CDCA5: variants seen among roughly 807,000 people sequenced by gnomAD.
CDCA5 encodes the protein cell division cycle associated 5, also known as sororin.
A neutral mutation model predicts 25.7 loss-of-function variants in CDCA5; 14 were observed. The observed-to-expected ratio is 0.54, with a 90% CI of 0.36 to 0.85. The LOEUF (loss-of-function observed/expected upper bound fraction) is 0.85, where lower values mean the gene tolerates loss of function less well. CDCA5 is among the 40% of genes least tolerant of loss of function. CDCA5 has a pLI of 0.01. For missense variants in CDCA5, 307 were observed against 324.5 expected, an observed-to-expected ratio of 0.95 and a Z score of 0.41; for synonymous variants, 127 against 128.7, an observed-to-expected ratio of 0.99 and a Z score of 0.09.
chr11:65,084,027 C>T lies in CDCA5; in HGVS notation c.-49G>A. On this transcript the variant is annotated 5_prime_UTR_variant, in exon 1 of 6. Coordinates refer to ENST00000275517, the MANE Select transcript of CDCA5 (RefSeq NM_080668.4). Reference sequence around the variant, plus strand: ...CTCCAGCGCCGCCGCCCCGGGCGCGCGCCAACCGGGAAGGCCACTCGCTGC... The same window carrying T: ...CTCCAGCGCCGCCGCCCCGGGCGCGTGCCAACCGGGAAGGCCACTCGCTGC... 3.2e-6 allele frequency: 5 copies of T among 1,581,542 alleles called. No homozygotes were observed. Among genetic ancestry groups the T allele is most frequent in the Non-Finnish European group, 4.3e-6 (5 of 1,165,954 alleles).
At chr11:65,083,176 T>A (rs1467183331) in intron 4 of CDCA5, 188 bp downstream of exon 4, 7 of 634,092 alleles carry the variant, frequency 1.1e-5, no homozygotes, top group Non-Finnish European at 1.9e-5. Flanking sequence ...ACACAAGGCA[T>A]AAAAAGTTAA....
At chr11:65,076,143 C>T (rs115374011), downstream of CDCA5, among the ~76,000 whole-genome samples, 1 of 152,152 alleles carries the variant, frequency 6.6e-6, no homozygotes, top group Admixed American at 6.5e-5. Context: ...GAAACAGGGT[C>T]TTTACTCTGT....
chr11:65,069,810 T>G (rs940077194), intron 1 of CDCA5, among the ~76,000 whole-genome samples: 1 of 152,254 alleles, frequency 6.6e-6, no homozygotes, highest in Admixed American at 6.5e-5. Context: ...AATTCACTCA[T>G]GCGCTTACTG....
chr11:65,068,088 C>G (rs926936833), exon 3 of CDCA5: 5 of 1,289,200 alleles, frequency 3.9e-6, no homozygotes, highest in Non-Finnish European at 5.1e-6. Flanking sequence ...AGGAACGTGA[C>G]GGTGGGTTCC....
chr11:65,066,212 G>T, downstream of CDCA5: 1 of 429,682 alleles, frequency 2.3e-6, no homozygotes, highest in Non-Finnish European at 3.5e-6. Flanking sequence ...GTCAGAGGGT[G>T]GCTGAGGGGC....
At chr11:65,069,433 T>C (rs952039569) in intron 1 of CDCA5, among the ~76,000 whole-genome samples, 2 of 151,982 alleles carry the variant, frequency 1.3e-5, no homozygotes, top group African/African-American at 4.8e-5. Context: ...CTGTGTTATA[T>C]TGTACCTTTC....
At chr11:65,066,134 G>A (rs954917817), downstream of CDCA5, among the ~76,000 whole-genome samples, 1 of 152,018 alleles carries the variant, frequency 6.6e-6, no homozygotes, top group Non-Finnish European at 1.5e-5. Context: ...GTGAGGGGTC[G>A]GGGGAGGGCA....
At chr11:65,064,417 CAAAA>C (rs11318233), downstream of CDCA5, among the ~76,000 whole-genome samples, 13 of 86,314 alleles carry the variant, frequency 1.5e-4, no homozygotes, top group African/African-American at 1.4e-4. Context: ...GACTCTGTCG[CAAAA>C]AAAAAAAAAA....
At position 65,084,014 on chromosome 11, in the gene CDCA5, C is replaced by G. The variant is rs754788323; in HGVS notation, c.-36G>C. ...CCGTCTCGAGCTCCTCCAGCGCCGC[C>G]GCCCCGGGCGCGCGCCAACCGGGAA... On this transcript the variant is annotated 5_prime_UTR_variant, in exon 1 of 6. Coordinates refer to ENST00000275517, the MANE Select transcript of CDCA5 (RefSeq NM_080668.4). The G allele has an allele frequency of 6.3e-7, 1 of 1,591,274 alleles. No individual in the cohort carries two copies. The highest frequency in any genetic ancestry group is 1.8e-5 in the Admixed American group (1 of 55,130).
downstream of CDCA5, among the ~76,000 whole-genome samples, chr11:65,074,142 G>A (rs573596635): frequency 3.3e-5 from 5 of 152,212 alleles, no homozygotes; most frequent in South Asian, 4.1e-4. Flanking sequence ...GCACAATATC[G>A]GCTCACTGCA....
At chr11:65,075,610 G>A (rs1325430749), downstream of CDCA5, among the ~76,000 whole-genome samples, 1 of 152,116 alleles carries the variant, frequency 6.6e-6, no homozygotes, top group African/African-American at 2.4e-5. Flanking sequence ...GAAGGAGCTG[G>A]TCCTGGGTTC....
At chr11:65,067,084 G>A (rs1211372461) in intron 4 of CDCA5, among the ~76,000 whole-genome samples, 4 of 152,216 alleles carry the variant, frequency 2.6e-5, no homozygotes, top group African/African-American at 4.8e-5. Flanking sequence ...GCAGGGGACC[G>A]AGAGAGAGAC....
At chr11:65,079,845 G>A in intron 4 of CDCA5, 58 bp from the exon 5 acceptor site, 1 of 1,295,200 alleles carries the variant, frequency 7.7e-7, no homozygotes, top group Non-Finnish European at 1.0e-6. Flanking sequence ...CTTACTTCCA[G>A]AAAAGCCCGA....
downstream of CDCA5, chr11:65,066,209 G>A: frequency 4.9e-6 from 2 of 411,848 alleles, no homozygotes; most frequent in Non-Finnish European, 7.4e-6. Flanking sequence ...GATGTCAGAG[G>A]GTGGCTGAGG....
chr11:65,069,429 T>A (rs1238268109), intron 1 of CDCA5, among the ~76,000 whole-genome samples: 1 of 152,002 alleles, frequency 6.6e-6, no homozygotes, highest in African/African-American at 2.4e-5. Context: ...GTGGCTGTGT[T>A]ATATTGTACC....
At chr11:65,068,765 T>C (rs1947289190) in intron 1 of CDCA5, among the ~76,000 whole-genome samples, 2 of 152,262 alleles carry the variant, frequency 1.3e-5, no homozygotes. Flanking sequence ...CCAGATTTAG[T>C]AAATACAATA....
intron 1 of CDCA5, among the ~76,000 whole-genome samples, chr11:65,072,062 G>C (rs1947352537): frequency 6.6e-6 from 1 of 152,206 alleles, no homozygotes; most frequent in Non-Finnish European, 1.5e-5. Context: ...TTAATCACAG[G>C]CTGGGTAAAA....
intron 4 of CDCA5, among the ~76,000 whole-genome samples, chr11:65,081,813 A>G (rs1947573207): frequency 6.6e-6 from 1 of 152,072 alleles, no homozygotes; most frequent in African/African-American, 2.4e-5. Context: ...AAAAAAAATT[A>G]GAGAAAACAT....
chr11:65,075,553 G>T (rs1394886898), downstream of CDCA5, among the ~76,000 whole-genome samples: 3 of 151,926 alleles, frequency 2.0e-5, no homozygotes, highest in Admixed American at 6.6e-5. Context: ...GCTGTGGGGT[G>T]GGGGGGATGT....
Sources: allele counts gnomAD v4.1 joint callset (sites outside exome capture counted in the v4.1 genomes callset), GRCh38; gene constraint gnomAD v4.1.1; transcripts MANE v1.5; gene names NCBI Gene and HGNC (gene_info 2026-07-23, HGNC 2026-07-21).